The following MYRIP variants were observed in gnomAD, a reference collection of about 807,000 sequenced individuals.
MYRIP encodes rab effector MyRIP.
In MYRIP, 49 loss-of-function variants were observed where a neutral mutation model predicts 98.0. The ratio of observed to expected loss-of-function variants is 0.50; its 90% CI spans 0.40 to 0.63. MYRIP has a LOEUF of 0.63. Ranked by LOEUF, MYRIP falls within the 30% of genes least tolerant of loss-of-function variation. MYRIP has a pLI of 0.00. For missense variants in MYRIP, 1,004 were observed against 1,058.2 expected, an observed-to-expected ratio of 0.95 and a Z score of 0.71; for synonymous variants, 404 against 409.5, an observed-to-expected ratio of 0.99 and a Z score of 0.16.
intron 2 of MYRIP, among the ~76,000 whole-genome samples, chr3:40,006,260 G>A (rs573295385): frequency 2.0e-5 from 3 of 152,248 alleles, no homozygotes; most frequent in African/African-American, 7.2e-5. Flanking sequence ...GTAGTTTAGA[G>A]AAGGAAAATA....
At chr3:40,216,841 T>C (rs1028217631) in intron 11 of MYRIP, among the ~76,000 whole-genome samples, 1 of 152,132 alleles carries the variant, frequency 6.6e-6, no homozygotes, top group East Asian at 1.9e-4. Flanking sequence ...AAAAACACTA[T>C]GAACATCACA....
intron 5 of MYRIP, among the ~76,000 whole-genome samples, chr3:40,166,542 T>A (rs557766122): frequency 5.9e-4 from 90 of 152,056 alleles, no homozygotes; most frequent in African/African-American, 2.1e-3. Flanking sequence ...AGAGGAGGAA[T>A]TTTTGGGCCA....
intron 11 of MYRIP, among the ~76,000 whole-genome samples, chr3:40,218,816 T>A (rs2679800): frequency 6.6e-6 from 1 of 151,376 alleles, no homozygotes; most frequent in Non-Finnish European, 1.5e-5. Flanking sequence ...TTATAGAAGT[T>A]GGTTTTCCCC....
intron 11 of MYRIP, 115 bp downstream of exon 11, chr3:40,210,208 GC>G: frequency 7.6e-7 from 1 of 1,317,674 alleles, no homozygotes; most frequent in Non-Finnish European, 1.0e-6. Flanking sequence ...TCTCTAAAAT[GC>G]CCATCCCTGT....
chr3:39,978,351 C>T (rs1157787307), intron 2 of MYRIP, among the ~76,000 whole-genome samples: 1 of 152,186 alleles, frequency 6.6e-6, no homozygotes, highest in Non-Finnish European at 1.5e-5. Flanking sequence ...GTTTGAGACA[C>T]TAAGATTGCC....
rs149518939 is a variant in MYRIP, at chr3:39,829,342, A to G, written c.-31+19426A>G. Among the ~76,000 whole-genome samples, 218 of 152,334 alleles carry G rather than the reference A, an allele frequency of 1.4e-3. 2 individuals are homozygous for G. The highest frequency in any genetic ancestry group is 3.4e-3 in the Middle Eastern group (1 of 294). On this transcript the variant is annotated intron_variant, in intron 1 of 16. Transcript: ENST00000302541. ...TTGATGCCTACACATCTAGTGGAAC[A>G]GTTGCCTCTTCCAATTCTATGGAGA... is the stretch of plus-strand genomic sequence containing the variant.
chr3:40,096,888 C>T (rs1188611355), intron 3 of MYRIP, among the ~76,000 whole-genome samples: 1 of 152,230 alleles, frequency 6.6e-6, no homozygotes. Flanking sequence ...GCTTGTGCTG[C>T]TTGGCAAAGC....
chr3:39,975,345 G>C (rs62264393), intron 2 of MYRIP, among the ~76,000 whole-genome samples: 41,697 of 151,866 alleles, frequency 0.27, 6,398 homozygotes, highest in Non-Finnish European at 0.35. Context: ...TACAAGGGAC[G>C]TGAAGGACCT....
intron 1 of MYRIP, among the ~76,000 whole-genome samples, chr3:39,868,761 C>T (rs894533959): frequency 9.9e-5 from 15 of 152,278 alleles, no homozygotes; most frequent in Admixed American, 3.9e-4. Context: ...CCAAAGCTCA[C>T]ACCCCAAACA....
chr3:40,202,184 C>T (rs779469001), intron 10 of MYRIP, among the ~76,000 whole-genome samples: 4 of 152,186 alleles, frequency 2.6e-5, no homozygotes, highest in African/African-American at 4.8e-5. Context: ...GCCACCAGGA[C>T]ATAAGGATAT....
At chr3:40,153,514 C>T (rs1438060030) in intron 4 of MYRIP, among the ~76,000 whole-genome samples, 2 of 152,202 alleles carry the variant, frequency 1.3e-5, no homozygotes, top group African/African-American at 4.8e-5. Flanking sequence ...AAAAAACCTT[C>T]CAATACCCCA....
At chr3:39,835,547 A>G (rs918590530) in intron 1 of MYRIP, among the ~76,000 whole-genome samples, 3 of 152,340 alleles carry the variant, frequency 2.0e-5, no homozygotes, top group Non-Finnish European at 4.4e-5. Flanking sequence ...AGAAAATGTT[A>G]TTTGAAGATG....
chr3:39,961,802 CATT>C (rs1410936152), intron 2 of MYRIP, among the ~76,000 whole-genome samples: 2 of 152,096 alleles, frequency 1.3e-5, no homozygotes, highest in African/African-American at 4.8e-5. Flanking sequence ...ATCTGCTTCT[CATT>C]ATAGCATCAG....
chr3:40,054,533 A>C (rs1459478022), intron 3 of MYRIP, among the ~76,000 whole-genome samples: 1 of 152,180 alleles, frequency 6.6e-6, no homozygotes, highest in Non-Finnish European at 1.5e-5. Context: ...ATAGACTTTG[A>C]GTAAAGCAAA....
chr3:40,000,223 A>G (rs1318380054), intron 2 of MYRIP, among the ~76,000 whole-genome samples: 1 of 152,198 alleles, frequency 6.6e-6, no homozygotes, highest in Non-Finnish European at 1.5e-5. Context: ...GAACTTTTAA[A>G]TGTAGATTAA....
At chr3:40,154,515 G>C (rs1236073481) in intron 4 of MYRIP, among the ~76,000 whole-genome samples, 3 of 152,086 alleles carry the variant, frequency 2.0e-5, no homozygotes, top group African/African-American at 4.8e-5. Context: ...TGCTCACATG[G>C]CTTCTCTAAT....
chr3:40,132,840 C>T (rs1575563349), intron 3 of MYRIP, among the ~76,000 whole-genome samples: 1 of 152,284 alleles, frequency 6.6e-6, no homozygotes, highest in Non-Finnish European at 1.5e-5. Context: ...CAAAGGCACA[C>T]AGCATGTGCT....
At chr3:40,045,028 A>G (rs915583137) in intron 3 of MYRIP, among the ~76,000 whole-genome samples, 2 of 152,152 alleles carry the variant, frequency 1.3e-5, no homozygotes, top group African/African-American at 4.8e-5. Context: ...TGTAGTGTGC[A>G]TTGTGATTCG....
chr3:40,044,197 CA>C lies in MYRIP; in HGVS notation c.260del (p.Asn87MetfsTer27). ...TKRQCGDCKFNVCKSCCSYQK... is the reference protein window; with the variant it reads ...TKRQCGDCKFXVCKSCCSYQK... ...AGCGCCAGTGTGGAGATTGCAAATT[CA>C]ATGTCTGCAAGAGCTGCTGCTCCTA... On this transcript the variant is annotated frameshift_variant, in exon 3 of 17. Transcript: ENST00000302541. LOFTEE classifies it high-confidence loss of function. The C allele has an allele frequency of 6.2e-7, 1 of 1,614,164 alleles. No homozygotes were observed.
Sources: gnomAD v4.1 joint callset for allele counts (sites outside exome capture counted in the v4.1 genomes callset) on GRCh38, gnomAD v4.1.1 for gene constraint, MANE v1.5 for transcripts, NCBI Gene and HGNC (gene_info 2026-07-23, HGNC 2026-07-21) for gene names.